The following RAP1GAP2 variants were observed in gnomAD, a reference collection of about 807,000 sequenced individuals.
The protein encoded by RAP1GAP2 is RAP1 GTPase activating protein 2, also known as rap1 GTPase-activating protein 2.
Under a neutral mutation model 95.0 loss-of-function variants are expected in RAP1GAP2, and 27 were observed. The observed-to-expected ratio is 0.28, with a 90% CI of 0.21 to 0.39. RAP1GAP2 has a LOEUF of 0.39. Ranked by LOEUF, RAP1GAP2 falls within the 10% of genes least tolerant of loss-of-function variation. The pLI is 1.00. For synonymous variants in RAP1GAP2, 373 were observed against 380.9 expected (o/e 0.98, Z 0.24); for missense variants, 771 against 970.0 (o/e 0.79, Z 2.72).
chr17:2,761,293 T>C (rs1427328276), intron 1 of RAP1GAP2, among the ~76,000 whole-genome samples: 1 of 146,462 alleles, frequency 6.8e-6, no homozygotes, highest in Non-Finnish European at 1.5e-5. Flanking sequence ...TTTTTTCTTT[T>C]TTTTTTTTTT....
chr17:3,007,951 G>A, intron 16 of RAP1GAP2, 60 bp from the exon 17 acceptor site: 1 of 1,579,562 alleles, frequency 6.3e-7, no homozygotes, highest in Non-Finnish European at 8.6e-7. Context: ...AGCTCACAAG[G>A]AGCAGGCACA....
chr17:3,020,094 G>C (rs1241929801), intron 18 of RAP1GAP2, among the ~76,000 whole-genome samples: 4 of 152,242 alleles, frequency 2.6e-5, no homozygotes, highest in African/African-American at 9.6e-5. Context: ...TTGGTCTTCA[G>C]CTTCCTTGCC....
At chr17:3,013,637 T>TTC (rs1567896492) in intron 17 of RAP1GAP2, among the ~76,000 whole-genome samples, 4 of 136,576 alleles carry the variant, frequency 2.9e-5, no homozygotes, top group Non-Finnish European at 4.8e-5. Flanking sequence ...CTTTTCTTTT[T>TTC]TTTTTTTTTT....
rs374888044 is a variant in RAP1GAP2 at position 3,023,849 on chromosome 17, CCT to C, written c.1752-2158_1752-2157del. On this transcript the variant is annotated intron_variant, in intron 19 of 24. Transcript: ENST00000254695. Reference sequence around the variant, plus strand: ...GGCCCTGGTGTGTGATGTTCCCCTCCCTGTGTCCACATATTCTCATTGTTCAA... The same window carrying C: ...GGCCCTGGTGTGTGATGTTCCCCTCCGTGTCCACATATTCTCATTGTTCAA... Among the ~76,000 whole-genome samples, 560 of 152,148 alleles carry C rather than the reference CCT, an allele frequency of 3.7e-3. 7 individuals are homozygous for C. Among genetic ancestry groups the C allele is most frequent in the African/African-American group, 0.013 (527 of 41,494 alleles).
intron 3 of RAP1GAP2, among the ~76,000 whole-genome samples, chr17:2,933,139 C>T (rs1245115358): frequency 1.3e-5 from 2 of 152,152 alleles, no homozygotes; most frequent in Non-Finnish European, 2.9e-5. Flanking sequence ...GAGAGAAGGG[C>T]GAGTGGAAGG....
intron 3 of RAP1GAP2, among the ~76,000 whole-genome samples, chr17:2,911,199 C>T (rs947268650): frequency 7.2e-5 from 11 of 151,874 alleles, no homozygotes; most frequent in Admixed American, 5.2e-4. Flanking sequence ...CACTGGCGTG[C>T]CTGCTGCTAC....
At chr17:2,905,235 AG>A in intron 2 of RAP1GAP2, 48 bp from the exon 3 acceptor site, 1 of 1,545,922 alleles carries the variant, frequency 6.5e-7, no homozygotes, top group East Asian at 2.3e-5. Context: ...GGAGGAGAGA[AG>A]GGAAGGCGCA....
rs1423510758 is a variant in RAP1GAP2 at position 2,915,969 on chromosome 17, G to A, written c.165+10601G>A. Reference sequence around the variant, plus strand: ...CGCCTCAGCCTCTCCCAAAGTGCTGGGATTACAGGCATGAGCCACTGCGCC... The same window carrying A: ...CGCCTCAGCCTCTCCCAAAGTGCTGAGATTACAGGCATGAGCCACTGCGCC... On this transcript the variant is annotated intron_variant, in intron 3 of 24. Transcript: ENST00000254695. Among the ~76,000 whole-genome samples the A allele has an allele frequency of 2.0e-5, 3 of 152,088 alleles. No individual in the cohort carries two copies. The East Asian group carries it at 5.8e-4, about 29-fold the overall frequency.
In RAP1GAP2 at chr17:2,965,216, C is replaced by T; in HGVS notation, c.493-324C>T. 5.6e-6 allele frequency: 2 copies of T among 358,782 alleles called. No individual in the cohort carries two copies. The highest frequency in any genetic ancestry group is 3.0e-5 in the South Asian group (1 of 33,672). The allele number at this position is 358,782 out of a possible 1,614,324, so 22.2% of individuals were successfully genotyped here. ...TGTGCGTTTGAACCCTGGATCTGTCCCTTACTCATCGTGTCATCCTGGGCA... is the reference window on the plus strand; with the variant it reads ...TGTGCGTTTGAACCCTGGATCTGTCTCTTACTCATCGTGTCATCCTGGGCA... On this transcript the variant is annotated intron_variant, in intron 7 of 24. Transcript: ENST00000254695. The surrounding 1 kb of genome is among the most constrained non-coding windows in gnomAD (Gnocchi z 4.7).
Position 2,931,129 on chromosome 17 carries a change from A to G in RAP1GAP2, c.165+25761A>G, listed in dbSNP as rs1413771791. On this transcript the variant is annotated intron_variant, in intron 3 of 24. Transcript: ENST00000254695. ...AGAGCGAGACTCCATCTCAAAAAAA[A>G]AAAAAAAAAAAAAAAGAAGAAGAGA... Among the ~76,000 whole-genome samples the G allele has an allele frequency of 2.9e-3, 438 of 151,314 alleles. 1 individual carries two copies. Among genetic ancestry groups the G allele is most frequent in the Non-Finnish European group, 4.4e-3 (300 of 67,662 alleles).
intron 19 of RAP1GAP2, 62 bp from the exon 20 acceptor site, chr17:3,025,946 G>A (rs1358515076): frequency 1.7e-5 from 21 of 1,269,650 alleles, no homozygotes; most frequent in East Asian, 2.4e-5. Context: ...GCCTGGGGCC[G>A]TGGATGGGGT....
Position 2,965,478 on chromosome 17 carries a change from AG to A in RAP1GAP2, c.493-57del. 7.8e-7 allele frequency: 1 copy of A among 1,283,684 alleles called. No homozygotes were observed. The allele number at this position is 1,283,684 out of a possible 1,614,324, so 79.5% of individuals were successfully genotyped here. Reference sequence around the variant, plus strand: ...CTTCTCCTGGTGAAGGAGGTGGTTTAGGGGGAACATACCTGGAAGGTTTCTT... The same window carrying A: ...CTTCTCCTGGTGAAGGAGGTGGTTTAGGGGAACATACCTGGAAGGTTTCTT... On this transcript the variant is annotated intron_variant, in intron 7 of 24. Coordinates refer to ENST00000254695, the MANE Select transcript of RAP1GAP2 (RefSeq NM_015085.5). This position sits in a 1 kb window ranked among gnomAD's most constrained non-coding sequence, Gnocchi z 4.7.
chr17:2,775,493 G>C (rs2068479444), upstream of RAP1GAP2, among the ~76,000 whole-genome samples: 1 of 151,932 alleles, frequency 6.6e-6, no homozygotes, highest in South Asian at 2.1e-4. Flanking sequence ...TGGTGGGGAG[G>C]GGGCACGGGG....
intron 3 of RAP1GAP2, among the ~76,000 whole-genome samples, chr17:2,925,260 C>T (rs2042914282): frequency 6.6e-6 from 1 of 152,150 alleles, no homozygotes; most frequent in African/African-American, 2.4e-5. Flanking sequence ...GCCATTCGCA[C>T]ACTGCTGTAA....
rs1012662699 is a variant in RAP1GAP2, at chr17:2,871,389, G to C, written c.81-33895G>C. Among the ~76,000 whole-genome samples, 3 of 152,218 alleles carry C rather than the reference G, an allele frequency of 2.0e-5. No individual in the cohort carries two copies. Among genetic ancestry groups the C allele is most frequent in the Non-Finnish European group, 4.4e-5 (3 of 68,044 alleles). ...TGTGTGTCCATCTCAGTCCCTATGT[G>C]CAGGGGTGGGAGCGGGGAGCCATGA... On this transcript the variant is annotated intron_variant, in intron 2 of 24. Transcript: ENST00000254695. This position sits in a 1 kb window ranked among gnomAD's most constrained non-coding sequence, Gnocchi z 5.0.
chr17:2,859,993 G>T (rs115391021), intron 2 of RAP1GAP2, among the ~76,000 whole-genome samples: 123 of 151,370 alleles, frequency 8.1e-4, no homozygotes, highest in African/African-American at 2.8e-3. Context: ...TTTTTGCGAC[G>T]TTAGTCATTG....
intron 3 of RAP1GAP2, among the ~76,000 whole-genome samples, chr17:2,919,260 CT>C (rs2042673197): frequency 6.6e-6 from 1 of 152,206 alleles, no homozygotes; most frequent in Non-Finnish European, 1.5e-5. Flanking sequence ...GAAGGAACAT[CT>C]TTCTGGGTTG....
At chr17:2,835,045 A>T (rs1028656022) in intron 2 of RAP1GAP2, among the ~76,000 whole-genome samples, 1 of 147,686 alleles carries the variant, frequency 6.8e-6, no homozygotes, top group African/African-American at 2.5e-5. Flanking sequence ...TCAGCCTCCC[A>T]AGTAGCTGGG....
intron 14 of RAP1GAP2, among the ~76,000 whole-genome samples, chr17:3,001,553 C>CAGCCACTGGG: frequency 7.9e-6 from 1 of 126,904 alleles, no homozygotes; most frequent in African/African-American, 3.3e-5. Flanking sequence ...GAGTGCAGGT[C>CAGCCACTGGG]CAAGCACCAG....
Sources: allele counts gnomAD v4.1 joint callset (sites outside exome capture counted in the v4.1 genomes callset), GRCh38; gene constraint gnomAD v4.1.1; non-coding constraint Gnocchi (gnomAD v3.1); transcripts MANE v1.5; gene names NCBI Gene and HGNC (gene_info 2026-07-23, HGNC 2026-07-21).